Variants in ACO1 observed in about 807,000 individuals in gnomAD.
The protein encoded by ACO1 is cytoplasmic aconitate hydratase.
ACO1 carries 78 observed loss-of-function variants against 105.1 expected under a neutral mutation model. That is an observed-to-expected ratio of 0.74 (90% CI 0.62 to 0.90). The LOEUF (loss-of-function observed/expected upper bound fraction) is 0.90, where lower values mean the gene tolerates loss of function less well. ACO1 is among the 40% of genes least tolerant of loss of function. The pLI is 0.00. For synonymous variants in ACO1, 364 were observed against 397.4 expected, an observed-to-expected ratio of 0.92 and a Z score of 1.00; for missense variants, 965 against 1,111.1, an observed-to-expected ratio of 0.87 and a Z score of 1.87.
Position 32,450,107 on chromosome 9 carries a change from A to G in ACO1, c.2666A>G (p.Lys889Arg). The change falls in exon 21 of 21, where the codon AAG (lysine) becomes AGG (arginine). Residue 889 changes from lysine to arginine, a missense_variant. Transcript: ENST00000309951. ...AACTACATGATCCGCAAGATGGCCA[A>G]GTAGGAGACGTGCACTTGGTGCTGC... ...ILNYMIRKMA[K>R] 6.2e-7 allele frequency: 1 copy of G among 1,612,676 alleles called. No homozygotes were observed. Among genetic ancestry groups the G allele is most frequent in the Non-Finnish European group, 8.5e-7 (1 of 1,179,212 alleles).
intron 17 of ACO1, among the ~76,000 whole-genome samples, chr9:32,434,904 T>C (rs961643837): frequency 2.0e-5 from 3 of 152,204 alleles, no homozygotes; most frequent in African/African-American, 4.8e-5. Flanking sequence ...ATGTGAATCC[T>C]AACAAGGGGA....
chr9:32,448,525 G>C (rs897237924), intron 19 of ACO1, among the ~76,000 whole-genome samples: 2 of 152,228 alleles, frequency 1.3e-5, no homozygotes, highest in Admixed American at 6.5e-5. Flanking sequence ...GGTTGTGAAG[G>C]CCATGGGAAA....
At chr9:32,385,109 C>G (rs1587503379) in intron 1 of ACO1, among the ~76,000 whole-genome samples, 1 of 152,184 alleles carries the variant, frequency 6.6e-6, no homozygotes, top group Non-Finnish European at 1.5e-5. Context: ...GCCCGGCTGG[C>G]TGGATAGGGA....
At position 32,433,687 on chromosome 9, in the gene ACO1, A is replaced by G. The variant is rs1822289793; in HGVS notation, c.1852-41A>G. On this transcript the variant is annotated intron_variant, in intron 15 of 20. Coordinates refer to ENST00000309951, the MANE Select transcript of ACO1 (RefSeq NM_002197.3). ...TGTTTGCATATTAAATTTTCTCTGG[A>G]ATGGGATGTGATTAGATCTGCCTTT... 3.4e-6 allele frequency: 5 copies of G among 1,463,896 alleles called. No homozygotes were observed. In the East Asian group the frequency reaches 1.1e-4, roughly 33 times the overall value. The allele number at this position is 1,463,896 out of a possible 1,614,324, so 90.7% of individuals were successfully genotyped here.
At chr9:32,410,691 C>G (rs1821718840) in intron 4 of ACO1, among the ~76,000 whole-genome samples, 1 of 152,136 alleles carries the variant, frequency 6.6e-6, no homozygotes. Context: ...GTCCTTTTCT[C>G]CAAAAGGCAG....
At chr9:32,431,526 T>C (rs565977939) in intron 14 of ACO1, among the ~76,000 whole-genome samples, 193 bp from the exon 15 acceptor site, 1 of 152,190 alleles carries the variant, frequency 6.6e-6, no homozygotes, top group Non-Finnish European at 1.5e-5. Flanking sequence ...AGGTTATGTA[T>C]TGATGGGTGA....
intron 18 of ACO1, 105 bp downstream of exon 18, chr9:32,436,502 C>T (rs991598775): frequency 3.2e-5 from 42 of 1,316,626 alleles, no homozygotes; most frequent in Admixed American, 8.6e-5. Context: ...TTCTTCACAG[C>T]TCCATCCTAC....
intron 17 of ACO1, 121 bp from the exon 18 acceptor site, chr9:32,436,129 A>G (rs763460575): frequency 4.8e-5 from 63 of 1,323,744 alleles, no homozygotes; most frequent in Non-Finnish European, 6.3e-5. Flanking sequence ...TGCTTAGGAG[A>G]CTTAGAGAAA....
intron 8 of ACO1, among the ~76,000 whole-genome samples, chr9:32,421,307 G>A (rs1266808884): frequency 6.6e-6 from 1 of 152,194 alleles, no homozygotes; most frequent in Non-Finnish European, 1.5e-5. Flanking sequence ...AGTGATCTTA[G>A]TAATGGTTAC....
chr9:32,440,563 G>A lies in ACO1; in HGVS notation c.2346G>A (p.Trp782Ter). The stretch of plus-strand genomic sequence containing the variant: ...ACGGTGCAGGCAGCTCCCGAGACTG[G>A]GCAGCTAAGGGCCCTTTCCTGCTGG... ...KEYGAGSSRD[W>*]AAKGPFLLGI... Residue 782 changes from tryptophan (W) to a stop codon, truncating the protein, a stop_gained, in exon 19 of 21, where the codon TGG (tryptophan) becomes TGA (stop). Coordinates refer to ENST00000309951, the MANE Select transcript of ACO1 (RefSeq NM_002197.3). LOFTEE classifies it high-confidence loss of function. The A allele has an allele frequency of 6.2e-7, 1 of 1,613,850 alleles. No homozygotes were observed. Among genetic ancestry groups the A allele is most frequent in the Non-Finnish European group, 8.5e-7 (1 of 1,179,888 alleles).
chr9:32,418,674 C>A (rs774021644), intron 6 of ACO1, among the ~76,000 whole-genome samples, 163 bp downstream of exon 6: 5 of 152,098 alleles, frequency 3.3e-5, no homozygotes, highest in Non-Finnish European at 5.9e-5. Flanking sequence ...TCACTTTGCA[C>A]CTAGCAGGCA....
Position 32,427,186 on chromosome 9 carries a change from T to G in ACO1, c.1349-115T>G. ...AGATAGCGCCAACATGAAGGGAGCGTGGTCAGGTGGTGGCAGGAAATGCAG... is the reference window on the plus strand; with the variant it reads ...AGATAGCGCCAACATGAAGGGAGCGGGGTCAGGTGGTGGCAGGAAATGCAG... On this transcript the variant is annotated intron_variant, in intron 11 of 20. Transcript: ENST00000309951. 12 of 1,303,948 alleles carry G rather than the reference T, an allele frequency of 9.2e-6. No homozygotes were observed. In the South Asian group the frequency reaches 1.7e-4, roughly 19 times the overall value. The allele number at this position is 1,303,948 out of a possible 1,614,324, so 80.8% of individuals were successfully genotyped here. A position where few individuals can be genotyped will look rare whatever the true frequency, so the allele number is the denominator to read the frequency against.
chr9:32,390,874 G>A (rs1253333533), intron 1 of ACO1, among the ~76,000 whole-genome samples: 1 of 152,078 alleles, frequency 6.6e-6, no homozygotes, highest in Admixed American at 6.5e-5. Flanking sequence ...GAGCCTGTGG[G>A]TCTTCTCTAA....
At chr9:32,414,084 C>T (rs972700005) in intron 4 of ACO1, among the ~76,000 whole-genome samples, 3 of 151,934 alleles carry the variant, frequency 2.0e-5, no homozygotes, top group East Asian at 1.9e-4. Context: ...ACCCAGGAGG[C>T]GGAGCTTGCA....
intron 1 of ACO1, among the ~76,000 whole-genome samples, chr9:32,391,020 T>G (rs1054681694): frequency 6.6e-5 from 10 of 152,206 alleles, no homozygotes; most frequent in Non-Finnish European, 1.5e-5. Context: ...GAATGTATAT[T>G]TAAATCTTCA....
chr9:32,442,110 C>A (rs925420254), intron 19 of ACO1, among the ~76,000 whole-genome samples: 4 of 151,580 alleles, frequency 2.6e-5, no homozygotes, highest in Non-Finnish European at 5.9e-5. Context: ...TACTTTAATA[C>A]CTGTGTTTGG....
chr9:32,411,978 A>G (rs1016619207), intron 4 of ACO1, among the ~76,000 whole-genome samples: 3 of 152,078 alleles, frequency 2.0e-5, no homozygotes, highest in Non-Finnish European at 2.9e-5. Context: ...GGCTTAAGCA[A>G]TCCTCCCACC....
chr9:32,436,328 C>T lies in ACO1; in HGVS notation c.2178C>T (p.Asn726=), dbSNP rs779213948. The stretch of plus-strand genomic sequence containing the variant: ...TCATGGCACGGGGAACATTTGCCAA[C>T]ATTCGCTTGTTAAACAGATTTTTGA... The part of the protein sequence containing the change: ...DAVMARGTFA[N]IRLLNRFLNK... The change falls in exon 18 of 21, where the codon AAC becomes AAT. Residue 726 remains asparagine (N), a synonymous_variant. Coordinates refer to ENST00000309951, the MANE Select transcript of ACO1 (RefSeq NM_002197.3). The T allele has an allele frequency of 6.2e-7, 1 of 1,614,196 alleles. No individual in the cohort carries two copies. Among genetic ancestry groups the T allele is most frequent in the Non-Finnish European group, 8.5e-7 (1 of 1,180,024 alleles).
rs766199662 is a variant in ACO1, at chr9:32,430,564, A to G, written c.1716A>G (p.Lys572=). 42 of 1,603,708 alleles carry G rather than the reference A, an allele frequency of 2.6e-5. No individual in the cohort carries two copies. The highest frequency in any genetic ancestry group is 3.6e-5 in the Non-Finnish European group (42 of 1,175,906). The change falls in exon 14 of 21, where the codon AAA becomes AAG. Residue 572 remains lysine, a synonymous_variant. Coordinates refer to ENST00000309951, the MANE Select transcript of ACO1 (RefSeq NM_002197.3). ...GAACCATCAGAATCGACTTTGAGAA[A>G]GAGCCATTGGGTAAGATTTTGTTTG... The part of the protein sequence containing the change: ...IAGTIRIDFE[K]EPLGVNAKGQ...
Sources: allele counts gnomAD v4.1 joint callset (sites outside exome capture counted in the v4.1 genomes callset), GRCh38; gene constraint gnomAD v4.1.1; transcripts MANE v1.5; gene names NCBI Gene and HGNC (gene_info 2026-07-23, HGNC 2026-07-21).